MTFR1: variants seen among roughly 807,000 people sequenced by gnomAD.
MTFR1 encodes chondrocyte protein with a poly-proline region.
MTFR1 carries 28 observed loss-of-function variants against 38.8 expected under a neutral mutation model. The ratio of observed to expected loss-of-function variants is 0.72; its 90% CI spans 0.53 to 0.99. MTFR1 has a LOEUF of 0.99. MTFR1 is among the 50% of genes least tolerant of loss of function. MTFR1 has a pLI of 0.00. For synonymous variants in MTFR1, 145 were observed against 137.0 expected (o/e 1.06, Z -0.41); for missense variants, 358 against 395.5 (o/e 0.91, Z 0.81).
intron 2 of MTFR1, among the ~76,000 whole-genome samples, chr8:65,677,071 T>C (rs1804730739): frequency 1.4e-5 from 2 of 138,386 alleles, no homozygotes; most frequent in South Asian, 2.5e-4. Context: ...TTTCTCTCTT[T>C]TTTTTTTTTT....
intron 3 of MTFR1, among the ~76,000 whole-genome samples, chr8:65,754,615 C>CG (rs1808131117): frequency 6.7e-6 from 1 of 150,012 alleles, no homozygotes; most frequent in Non-Finnish European, 1.5e-5. Flanking sequence ...GGATTACAGG[C>CG]TGAGCCACCA....
chr8:65,753,525 CT>C (rs1361276143), intron 3 of MTFR1, among the ~76,000 whole-genome samples: 3 of 152,178 alleles, frequency 2.0e-5, no homozygotes, highest in Non-Finnish European at 4.4e-5. Context: ...TCACCCACCC[CT>C]AAGCTTTAAA....
chr8:65,756,574 T>C (rs1585879146), intron 3 of MTFR1, among the ~76,000 whole-genome samples: 3 of 152,322 alleles, frequency 2.0e-5, no homozygotes, highest in African/African-American at 7.2e-5. Context: ...AATTCTAGAA[T>C]TTCTGTTTGG....
chr8:65,701,859 A>G (rs1805618964), intron 4 of MTFR1, among the ~76,000 whole-genome samples: 1 of 152,208 alleles, frequency 6.6e-6, no homozygotes, highest in Admixed American at 6.5e-5. Context: ...CAGAGGTGCA[A>G]GAGTAGGCCA....
At chr8:65,773,437 TCTG>T (rs1472398846), downstream of MTFR1, among the ~76,000 whole-genome samples, 3 of 152,194 alleles carry the variant, frequency 2.0e-5, no homozygotes, top group East Asian at 5.8e-4. Context: ...GAGAGGATAA[TCTG>T]CTGCTCTTAA....
chr8:65,693,875 C>T, intron 4 of MTFR1, 116 bp downstream of exon 4: 1 of 746,110 alleles, frequency 1.3e-6, no homozygotes, highest in Non-Finnish European at 2.3e-6. Context: ...GCACCCTCTT[C>T]TTTTTCTTGA....
rs114369133 is a variant in MTFR1, at chr8:65,764,686, C to T, written c.*49-6261C>T. On this transcript the variant is annotated intron_variant, in intron 3 of 3. Coordinates refer to the MTFR1 transcript ENST00000521247. ...ATAAACTAAGACAATATAATCAGTA[C>T]GATATGAGCTTTTAAGAAACATCTT... Among the ~76,000 whole-genome samples, 1,064 of 152,146 alleles carry T rather than the reference C, an allele frequency of 7.0e-3. 14 individuals carry two copies. The highest frequency in any genetic ancestry group is 0.024 in the African/African-American group (1,010 of 41,510).
chr8:65,726,024 T>A (rs537270034), intron 3 of MTFR1, among the ~76,000 whole-genome samples: 1 of 152,214 alleles, frequency 6.6e-6, no homozygotes. Context: ...TTTTTTCTCA[T>A]GGTCATTACA....
intron 3 of MTFR1, among the ~76,000 whole-genome samples, chr8:65,740,693 G>A (rs565319200): frequency 3.2e-4 from 48 of 152,204 alleles, no homozygotes; most frequent in Non-Finnish European, 6.2e-4. Context: ...GAGCTACCAC[G>A]CCTGGCCAAG....
chr8:65,648,626 G>T (rs66908793), intron 1 of MTFR1, among the ~76,000 whole-genome samples: 29,161 of 151,764 alleles, frequency 0.19, 2,959 homozygotes, highest in Middle Eastern at 0.23. Context: ...TTTTTTTTCT[G>T]CTCCGACTCC....
chr8:65,711,312 T>A (rs535633002), downstream of MTFR1, among the ~76,000 whole-genome samples: 1 of 152,302 alleles, frequency 6.6e-6, no homozygotes, highest in South Asian at 2.1e-4. Flanking sequence ...TAGGAATGCC[T>A]ATGTGTCTGT....
chr8:65,654,064 CA>C (rs34665689), intron 1 of MTFR1, among the ~76,000 whole-genome samples: 12,174 of 83,590 alleles, frequency 0.15, 1,003 homozygotes, highest in East Asian at 0.53. Context: ...CTTTGTCTCT[CA>C]AAAAAAAAAA....
At chr8:65,666,992 C>T (rs182559332) in intron 1 of MTFR1, among the ~76,000 whole-genome samples, 235 of 152,152 alleles carry the variant, frequency 1.5e-3, no homozygotes, top group African/African-American at 3.0e-3. Flanking sequence ...TAGAATTTTC[C>T]GGCCAGACGC....
chr8:65,724,968 C>A, intron 3 of MTFR1: 17 of 1,277,360 alleles, frequency 1.3e-5, no homozygotes, highest in Non-Finnish European at 1.8e-5. Flanking sequence ...TTTCAATTAA[C>A]TATTTATTGA....
At chr8:65,755,346 T>TTTTTGTTTTG (rs911570669) in intron 3 of MTFR1, among the ~76,000 whole-genome samples, 2 of 151,944 alleles carry the variant, frequency 1.3e-5, no homozygotes, top group African/African-American at 4.8e-5. Context: ...AAAATTTAGG[T>TTTTTGTTTTG]TTTTGTTTTG....
chr8:65,674,174 C>T (rs1804645667), intron 2 of MTFR1, among the ~76,000 whole-genome samples: 1 of 152,148 alleles, frequency 6.6e-6, no homozygotes, highest in Non-Finnish European at 1.5e-5. Context: ...CTCAGGTGAT[C>T]CACCCACGTT....
At chr8:65,756,039 G>A (rs962323846) in intron 3 of MTFR1, among the ~76,000 whole-genome samples, 2 of 152,200 alleles carry the variant, frequency 1.3e-5, no homozygotes, top group Middle Eastern at 3.2e-3. Context: ...TATGGAATTC[G>A]TGGTTGACAG....
rs142634799 is a variant in MTFR1 at position 65,651,963 on chromosome 8, AT to A, written c.-81+7192del. Among the ~76,000 whole-genome samples, 289 of 142,182 alleles carry A rather than the reference AT, an allele frequency of 2.0e-3. 3 individuals carry two copies. The highest frequency in any genetic ancestry group is 6.7e-4 in the South Asian group (3 of 4,460). The allele number at this position is 142,182 out of a possible 152,430, so 93.3% of individuals were successfully genotyped here. Reference sequence around the variant, plus strand: ...TTTTTCCTTGTGTGTGCCCCCTTTAATTTTTTTTTTTTTCAGACAAGGTTTT... The same window carrying A: ...TTTTTCCTTGTGTGTGCCCCCTTTAATTTTTTTTTTTTCAGACAAGGTTTT... On this transcript the variant is annotated intron_variant, in intron 1 of 7. Transcript: ENST00000262146.
intron 3 of MTFR1, 22 bp downstream of exon 3, chr8:65,682,473 A>G (rs1424231761): frequency 8.3e-7 from 1 of 1,209,258 alleles, no homozygotes; most frequent in Non-Finnish European, 1.1e-6. Flanking sequence ...TATATATTTT[A>G]AGTATTTTAT....
Sources: gnomAD v4.1 joint callset for allele counts (sites outside exome capture counted in the v4.1 genomes callset) on GRCh38, gnomAD v4.1.1 for gene constraint, MANE v1.5 for transcripts, NCBI Gene and HGNC (gene_info 2026-07-23, HGNC 2026-07-21) for gene names.